Variants in APBA2 observed in about 807,000 individuals in gnomAD.
APBA2 encodes amyloid-beta A4 precursor protein-binding family A member 2.
In APBA2, 30 loss-of-function variants were observed where a neutral mutation model predicts 75.0. That is an observed-to-expected ratio of 0.40 (90% CI 0.30 to 0.54). APBA2 has a LOEUF of 0.54. Ranked by LOEUF, APBA2 falls within the 20% of genes least tolerant of loss-of-function variation. The pLI is 0.49. For missense variants in APBA2, 801 were observed against 1,016.1 expected, an observed-to-expected ratio of 0.79 and a Z score of 2.88; for synonymous variants, 444 against 409.6, an observed-to-expected ratio of 1.08 and a Z score of -1.01.
At chr15:29,012,659 C>G (rs1481771565) in intron 3 of APBA2, among the ~76,000 whole-genome samples, 1 of 152,138 alleles carries the variant, frequency 6.6e-6, no homozygotes, top group African/African-American at 2.4e-5. Context: ...ACCAGTATTG[C>G]ATTATTAATT....
At chr15:28,899,025 A>G (rs2032681223) in intron 1 of APBA2, among the ~76,000 whole-genome samples, 1 of 152,280 alleles carries the variant, frequency 6.6e-6, no homozygotes, top group Non-Finnish European at 1.5e-5. Context: ...AACTAGACAC[A>G]AGTAACCAAA....
intron 3 of APBA2, among the ~76,000 whole-genome samples, chr15:29,036,528 C>A (rs1294940922): frequency 6.6e-6 from 1 of 152,066 alleles, no homozygotes; most frequent in East Asian, 1.9e-4. Flanking sequence ...CTGCCTCCAC[C>A]CCAGCAAGCG....
intron 2 of APBA2, among the ~76,000 whole-genome samples, chr15:28,966,962 A>G (rs1228192748): frequency 2.0e-5 from 3 of 152,206 alleles, no homozygotes; most frequent in Non-Finnish European, 4.4e-5. Context: ...GTATCCACTG[A>G]GTACCTTATC....
At chr15:28,911,439 C>G (rs544844031) in intron 1 of APBA2, among the ~76,000 whole-genome samples, 1 of 152,304 alleles carries the variant, frequency 6.6e-6, no homozygotes, top group African/African-American at 2.4e-5. Flanking sequence ...GAGGTGGCAG[C>G]TGGCTTGCCT....
chr15:29,023,998 A>T (rs78234618), intron 3 of APBA2, among the ~76,000 whole-genome samples: 13,814 of 150,524 alleles, frequency 0.092, 741 homozygotes, highest in East Asian at 0.24. Flanking sequence ...CCACCTCCCA[A>T]GTTCAAGCGA....
At chr15:29,107,146 A>T (rs1157387543) in intron 12 of APBA2, among the ~76,000 whole-genome samples, 4 of 152,124 alleles carry the variant, frequency 2.6e-5, no homozygotes, top group Non-Finnish European at 5.9e-5. Context: ...TTTGCCTGGG[A>T]CTTTGCCAGG....
intron 4 of APBA2, among the ~76,000 whole-genome samples, chr15:29,063,575 G>T (rs79577019): frequency 6.1e-5 from 7 of 114,208 alleles, no homozygotes; most frequent in South Asian, 3.0e-4. Context: ...GTATGGGTGG[G>T]GAGGGGAGTT....
intron 14 of APBA2, among the ~76,000 whole-genome samples, chr15:29,114,975 T>TG (rs1472281952): frequency 6.7e-6 from 1 of 150,152 alleles, no homozygotes; most frequent in East Asian, 2.0e-4. Flanking sequence ...GTGTGAGGCA[T>TG]GGGGTGTGAG....
chr15:28,986,145 G>A (rs1379427678), intron 2 of APBA2, among the ~76,000 whole-genome samples: 2 of 152,224 alleles, frequency 1.3e-5, no homozygotes, highest in Non-Finnish European at 2.9e-5. Flanking sequence ...CCATAGAGGA[G>A]GCTTCTCAAA....
chr15:28,886,747 C>T (rs2031762232), intron 1 of APBA2, among the ~76,000 whole-genome samples: 1 of 152,214 alleles, frequency 6.6e-6, no homozygotes, highest in Non-Finnish European at 1.5e-5. Flanking sequence ...CCCAGATCTT[C>T]GCCCCCTTCC....
chr15:28,963,624 A>G (rs2036587960), intron 2 of APBA2, among the ~76,000 whole-genome samples: 1 of 152,242 alleles, frequency 6.6e-6, no homozygotes, highest in Admixed American at 6.5e-5. Context: ...CTTTGACAAC[A>G]TAATCCAACA....
intron 2 of APBA2, among the ~76,000 whole-genome samples, chr15:28,927,821 C>T (rs1034032691): frequency 1.3e-5 from 2 of 151,902 alleles, no homozygotes; most frequent in Non-Finnish European, 2.9e-5. Context: ...TTGATGAGCC[C>T]GTCAAAGGCA....
intron 9 of APBA2, among the ~76,000 whole-genome samples, chr15:29,098,854 C>A (rs569909117): frequency 6.6e-6 from 1 of 152,318 alleles, no homozygotes; most frequent in South Asian, 2.1e-4. Flanking sequence ...GGTAGCCTGA[C>A]CTCTGGGGAC....
At chr15:28,925,627 T>C (rs2034218349) in intron 2 of APBA2, among the ~76,000 whole-genome samples, 1 of 152,198 alleles carries the variant, frequency 6.6e-6, no homozygotes, top group Non-Finnish European at 1.5e-5. Flanking sequence ...TGTGCAAGCT[T>C]GAGAAGAATG....
In APBA2 at chr15:28,903,854, C is replaced by T. The variant is rs190277507; in HGVS notation, c.-205+17576C>T. 2.7e-3 allele frequency among the ~76,000 whole-genome samples: 410 copies of T among 152,238 alleles called. 8 individuals carry two copies. The highest frequency in any genetic ancestry group is 0.023 in the Admixed American group (349 of 15,302). On this transcript the variant is annotated intron_variant, in intron 1 of 14. Coordinates refer to ENST00000683413, the MANE Select transcript of APBA2 (RefSeq NM_001353788.2). ...CTGGAAGGCGGAAGACCTACACTGC[C>T]GGGGCCCTGGGCAAGTCACAGCCTC...
intron 6 of APBA2, among the ~76,000 whole-genome samples, chr15:29,085,428 GAC>G (rs2043244890): frequency 6.7e-6 from 1 of 150,332 alleles, no homozygotes; most frequent in African/African-American, 2.5e-5. Context: ...AGGAGGCTGA[GAC>G]AGGAGAATGG....
intron 3 of APBA2, among the ~76,000 whole-genome samples, chr15:29,005,287 A>T (rs904735675): frequency 6.6e-6 from 1 of 151,664 alleles, no homozygotes; most frequent in Non-Finnish European, 1.5e-5. Flanking sequence ...TTGAGGTAGC[A>T]CCTCTGTCTG....
At chr15:29,023,430 A>G (rs1042090544) in intron 3 of APBA2, among the ~76,000 whole-genome samples, 2 of 105,574 alleles carry the variant, frequency 1.9e-5, no homozygotes, top group African/African-American at 5.8e-5. Flanking sequence ...GATGGCCATT[A>G]TACCTTTTTC....
At chr15:28,986,050 C>G (rs752725242) in intron 2 of APBA2, among the ~76,000 whole-genome samples, 1 of 152,196 alleles carries the variant, frequency 6.6e-6, no homozygotes, top group Non-Finnish European at 1.5e-5. Context: ...AAAAAGTCTC[C>G]TTAATTAAAA....
Sources: allele counts gnomAD v4.1 joint callset (sites outside exome capture counted in the v4.1 genomes callset), GRCh38; gene constraint gnomAD v4.1.1; transcripts MANE v1.5; gene names NCBI Gene and HGNC (gene_info 2026-07-23, HGNC 2026-07-21).